Variants in ADAMTS3 observed in about 807,000 individuals in gnomAD.
ADAMTS3 encodes the protein A disintegrin and metalloproteinase with thrombospondin motifs 3.
ADAMTS3 carries 73 observed loss-of-function variants against 129.0 expected under a neutral mutation model. The observed-to-expected ratio is 0.57, with a 90% CI of 0.47 to 0.69. The LOEUF (loss-of-function observed/expected upper bound fraction) is 0.69. ADAMTS3 is among the 30% of genes least tolerant of loss of function. ADAMTS3 has a pLI of 0.00. For missense variants in ADAMTS3, 1,457 were observed against 1,514.5 expected (o/e 0.96, Z 0.63); for synonymous variants, 477 against 510.8 (o/e 0.93, Z 0.89).
chr4:72,285,014 G>A (rs1718464708), intron 21 of ADAMTS3, among the ~76,000 whole-genome samples: 1 of 152,176 alleles, frequency 6.6e-6, no homozygotes, highest in Non-Finnish European at 1.5e-5. Context: ...ACTGTCAATT[G>A]TGGCATTTAT....
At chr4:72,427,607 C>A (rs1309673073) in intron 3 of ADAMTS3, among the ~76,000 whole-genome samples, 2 of 151,366 alleles carry the variant, frequency 1.3e-5, no homozygotes, top group African/African-American at 4.9e-5. Context: ...CAACTCAGAG[C>A]TGGAAAACAG....
chr4:72,323,528 C>G (rs1719619926), intron 5 of ADAMTS3, among the ~76,000 whole-genome samples: 1 of 152,078 alleles, frequency 6.6e-6, no homozygotes, highest in Admixed American at 6.6e-5. Flanking sequence ...ACCAGGGGTG[C>G]TACGTCTGGT....
At chr4:72,473,902 G>T (rs928240923) in intron 3 of ADAMTS3, among the ~76,000 whole-genome samples, 3 of 152,116 alleles carry the variant, frequency 2.0e-5, no homozygotes, top group African/African-American at 7.2e-5. Context: ...TTTATTGGAG[G>T]CCATCCTCAA....
intron 19 of ADAMTS3, among the ~76,000 whole-genome samples, chr4:72,293,227 G>C (rs995623478): frequency 6.6e-6 from 1 of 152,170 alleles, no homozygotes; most frequent in African/African-American, 2.4e-5. Context: ...GATTCAGTGT[G>C]AGCTGTGAAA....
At chr4:72,562,785 T>C (rs2679034) in intron 2 of ADAMTS3, among the ~76,000 whole-genome samples, 146,867 of 152,276 alleles carry the variant, frequency 0.96, 71,061 homozygotes, top group East Asian at 1. Flanking sequence ...CAACAACTTA[T>C]AATAATAGAA....
At chr4:72,475,093 A>C (rs986796335) in intron 3 of ADAMTS3, among the ~76,000 whole-genome samples, 2 of 152,050 alleles carry the variant, frequency 1.3e-5, no homozygotes, top group Admixed American at 1.3e-4. Context: ...AAAATAAAAC[A>C]AAGAATTAAA....
chr4:72,348,589 G>A (rs1468497433), intron 4 of ADAMTS3, among the ~76,000 whole-genome samples: 1 of 151,962 alleles, frequency 6.6e-6, no homozygotes, highest in Non-Finnish European at 1.5e-5. Flanking sequence ...ATTATGTTAT[G>A]TTATATGGTA....
intron 3 of ADAMTS3, among the ~76,000 whole-genome samples, chr4:72,474,323 G>C (rs1282506617): frequency 1.3e-5 from 2 of 151,872 alleles, no homozygotes; most frequent in African/African-American, 4.8e-5. Flanking sequence ...AAACATACTT[G>C]AAATAAATGA....
intron 3 of ADAMTS3, among the ~76,000 whole-genome samples, chr4:72,496,349 T>C (rs1424972620): frequency 1.3e-5 from 2 of 152,216 alleles, no homozygotes; most frequent in Non-Finnish European, 2.9e-5. Context: ...ATTTTAGAGA[T>C]GTTTTACCAG....
intron 4 of ADAMTS3, among the ~76,000 whole-genome samples, chr4:72,405,079 C>A (rs1488753327): frequency 6.6e-6 from 1 of 152,074 alleles, no homozygotes; most frequent in African/African-American, 2.4e-5. Flanking sequence ...AACACTTGCA[C>A]TGTTGGTGTG....
intron 3 of ADAMTS3, among the ~76,000 whole-genome samples, chr4:72,435,118 G>T (rs937340899): frequency 1.3e-5 from 2 of 151,810 alleles, no homozygotes; most frequent in African/African-American, 4.8e-5. Context: ...TAACCGGTCA[G>T]ATCACCAACA....
chr4:72,432,180 G>T (rs1722717063), intron 3 of ADAMTS3, among the ~76,000 whole-genome samples: 2 of 151,998 alleles, frequency 1.3e-5, no homozygotes, highest in African/African-American at 4.8e-5. Flanking sequence ...CCACAATTAG[G>T]TGTGTCCAGA....
At chr4:72,292,973 A>G (rs1718715343) in intron 19 of ADAMTS3, among the ~76,000 whole-genome samples, 1 of 152,184 alleles carries the variant, frequency 6.6e-6, no homozygotes, top group Non-Finnish European at 1.5e-5. Context: ...ACTTCTGATT[A>G]CCTCCATTCC....
chr4:72,486,070 G>A (rs188997741), intron 3 of ADAMTS3, among the ~76,000 whole-genome samples: 392 of 152,268 alleles, frequency 2.6e-3, no homozygotes, highest in Non-Finnish European at 2.8e-3. Context: ...AGCCCAAATA[G>A]ACTAAGATGA....
At chr4:72,336,865 C>T (rs986964541) in intron 5 of ADAMTS3, among the ~76,000 whole-genome samples, 4 of 151,970 alleles carry the variant, frequency 2.6e-5, no homozygotes, top group African/African-American at 9.7e-5. Flanking sequence ...CCCCACCCAC[C>T]AGTGTTAACA....
At chr4:72,541,818 G>T (rs1041454824) in intron 3 of ADAMTS3, among the ~76,000 whole-genome samples, 3 of 152,232 alleles carry the variant, frequency 2.0e-5, no homozygotes, top group African/African-American at 7.2e-5. Flanking sequence ...ATGTGGAACT[G>T]TGAGTCCATT....
chr4:72,324,837 G>A (rs1370121566), intron 5 of ADAMTS3, among the ~76,000 whole-genome samples: 1 of 152,126 alleles, frequency 6.6e-6, no homozygotes, highest in South Asian at 2.1e-4. Context: ...CAGCAAGGAG[G>A]CCAGAAAATG....
At chr4:72,508,393 A>G (rs1360067444) in intron 3 of ADAMTS3, among the ~76,000 whole-genome samples, 1 of 152,144 alleles carries the variant, frequency 6.6e-6, no homozygotes, top group Admixed American at 6.6e-5. Context: ...TTACTTTTCT[A>G]AGATATTTTT....
chr4:72,314,429 A>G (rs1159338733), intron 11 of ADAMTS3, among the ~76,000 whole-genome samples: 1 of 152,170 alleles, frequency 6.6e-6, no homozygotes, highest in Non-Finnish European at 1.5e-5. Flanking sequence ...CCAAGAAGTA[A>G]TTAAGTGGGG....
Sources: gnomAD v4.1 joint callset for allele counts (sites outside exome capture counted in the v4.1 genomes callset) on GRCh38, gnomAD v4.1.1 for gene constraint, MANE v1.5 for transcripts, NCBI Gene and HGNC (gene_info 2026-07-23, HGNC 2026-07-21) for gene names.